MYLK: variants seen among roughly 807,000 people sequenced by gnomAD.
The protein encoded by MYLK is myosin light chain kinase, smooth muscle.
A neutral mutation model predicts 203.4 loss-of-function variants in MYLK; 106 were observed. The observed-to-expected ratio is 0.52, with a 90% CI of 0.45 to 0.61. The LOEUF is 0.61. Ranked by LOEUF, MYLK falls within the 20% of genes least tolerant of loss-of-function variation. The pLI is 0.00. For synonymous variants in MYLK, 867 were observed against 959.5 expected (o/e 0.90, Z 1.78); for missense variants, 2,072 against 2,442.3 (o/e 0.85, Z 3.20).
chr3:123,739,020 G>T lies in MYLK; in HGVS notation c.465C>A (p.Ile155=), dbSNP rs199517273. 78 of 1,613,918 alleles carry T rather than the reference G, an allele frequency of 4.8e-5. No homozygotes were observed. Among genetic ancestry groups the T allele is most frequent in the Non-Finnish European group, 5.8e-5 (69 of 1,179,978 alleles). Residue 155 remains isoleucine, a synonymous_variant, in exon 7 of 34, where the codon ATC becomes ATA. Transcript: ENST00000360304. ...SAPAVETRPS[I]WGECPPKFAT... The stretch of plus-strand genomic sequence containing the variant: ...CAAACTTTGGTGGGCACTCCCCCCA[G>T]ATGCTAGGACGGGTCTCCACTGCTG...
chr3:123,753,690 C>G (rs367704055), intron 4 of MYLK, among the ~76,000 whole-genome samples: 1 of 152,134 alleles, frequency 6.6e-6, no homozygotes, highest in African/African-American at 2.4e-5. Flanking sequence ...ACTCAGTAGG[C>G]TCTTCAGAAT....
rs1274171468 is a variant in MYLK, at chr3:123,614,280, A to G, written c.5570T>C (p.Ile1857Thr). Residue 1857 changes from isoleucine to threonine, a missense_variant, in exon 34 of 34, where the codon ATA becomes ACA. Physicochemically the swap from Ile to Thr is moderately conservative, Grantham distance 89. Around this residue, in one of 3 missense-constraint regions of MYLK, gnomAD observed 524 missense variants for 782.4 expected, o/e 0.67. Coordinates refer to ENST00000360304, the MANE Select transcript of MYLK (RefSeq NM_053025.4). ...GCAGTTCCCGTCCTCATCGTAGTCT[A>G]TCTGGAAGTGGCGGGACTCCCTGAT... ...QSIRESRHFQ[I>T]DYDEDGNCSL... 1.2e-6 allele frequency: 2 copies of G among 1,614,180 alleles called. No individual in the cohort carries two copies. Among genetic ancestry groups the G allele is most frequent in the Admixed American group, 3.3e-5 (2 of 60,008 alleles).
intron 1 of MYLK, among the ~76,000 whole-genome samples, chr3:123,879,798 A>G (rs1342924704): frequency 2.0e-5 from 3 of 151,826 alleles, no homozygotes; most frequent in Admixed American, 6.6e-5. Flanking sequence ...GGGACTACAG[A>G]CGCCCGCCAC....
At chr3:123,744,552 T>C (rs1002485293) in intron 5 of MYLK, among the ~76,000 whole-genome samples, 2 of 152,216 alleles carry the variant, frequency 1.3e-5, no homozygotes. Flanking sequence ...AATGTATTAA[T>C]GTGGTGTTAA....
intron 2 of MYLK, among the ~76,000 whole-genome samples, chr3:123,868,826 T>C (rs571732832): frequency 1.3e-5 from 2 of 152,228 alleles, no homozygotes; most frequent in African/African-American, 2.4e-5. Context: ...ATATTTTATG[T>C]GGCAGGCCTA....
chr3:123,790,554 T>C (rs1576985963), intron 4 of MYLK, among the ~76,000 whole-genome samples: 1 of 152,128 alleles, frequency 6.6e-6, no homozygotes, highest in African/African-American at 2.4e-5. Context: ...CATCTTAATG[T>C]CACCCAAGTC....
chr3:123,743,389 G>A (rs2062918144), intron 5 of MYLK, among the ~76,000 whole-genome samples: 1 of 152,108 alleles, frequency 6.6e-6, no homozygotes, highest in Non-Finnish European at 1.5e-5. Flanking sequence ...TTTAATATGA[G>A]TTAACAGAGA....
chr3:123,754,034 G>A (rs2063288703), intron 4 of MYLK, among the ~76,000 whole-genome samples: 1 of 152,188 alleles, frequency 6.6e-6, no homozygotes, highest in Non-Finnish European at 1.5e-5. Flanking sequence ...TGTGCACACA[G>A]GCCTGGGCAT....
At chr3:123,852,098 C>T (rs1394860339) in intron 2 of MYLK, among the ~76,000 whole-genome samples, 1 of 152,188 alleles carries the variant, frequency 6.6e-6, no homozygotes, top group Non-Finnish European at 1.5e-5. Context: ...ATGAAGCCCA[C>T]TTGATCATGG....
intron 4 of MYLK, among the ~76,000 whole-genome samples, chr3:123,767,656 C>T (rs1170685536): frequency 2.6e-5 from 4 of 152,162 alleles, no homozygotes; most frequent in African/African-American, 9.7e-5. Context: ...CCAGAGCTGC[C>T]CTAAGGCCTT....
intron 13 of MYLK, among the ~76,000 whole-genome samples, chr3:123,720,221 G>A (rs1292970482): frequency 1.3e-5 from 2 of 152,164 alleles, no homozygotes; most frequent in Non-Finnish European, 2.9e-5. Flanking sequence ...TTGGATGGGT[G>A]GTGATCCTTC....
At position 123,700,444 on chromosome 3, in the gene MYLK, C is replaced by T. The variant is rs886057860; in HGVS notation, c.3024G>A (p.Val1008=). 1 of 1,609,848 alleles carries T rather than the reference C, an allele frequency of 6.2e-7. No homozygotes were observed. The highest frequency in any genetic ancestry group is 1.7e-4 in the Middle Eastern group (1 of 6,040). ...SSAETLNAKA[V]ESSKPLSNAQ... Reference sequence around the variant, plus strand: ...CATTGCTCAGGGGCTTGGAACTCTCCACTGCCTTGGCATTCAGGGTCTCGG... The same window carrying T: ...CATTGCTCAGGGGCTTGGAACTCTCTACTGCCTTGGCATTCAGGGTCTCGG... Residue 1008 remains valine (V), a synonymous_variant, in exon 18 of 34, where the codon GTG becomes GTA. Coordinates refer to ENST00000360304, the MANE Select transcript of MYLK (RefSeq NM_053025.4).
chr3:123,832,730 T>C (rs41482050), intron 2 of MYLK, among the ~76,000 whole-genome samples: 2 of 152,138 alleles, frequency 1.3e-5, no homozygotes, highest in African/African-American at 2.4e-5. Context: ...TGGCACCATC[T>C]TGGAAGCAGA....
intron 29 of MYLK, among the ~76,000 whole-genome samples, chr3:123,632,663 C>T (rs2058484123): frequency 1.3e-5 from 2 of 152,160 alleles, no homozygotes; most frequent in African/African-American, 4.8e-5. Context: ...AAATATAATA[C>T]ATACACAGCA....
chr3:123,803,687 T>G (rs1026550211), intron 3 of MYLK, among the ~76,000 whole-genome samples: 1 of 152,176 alleles, frequency 6.6e-6, no homozygotes, highest in African/African-American at 2.4e-5. Flanking sequence ...AAAGCTTATA[T>G]CCAACCAAAA....
intron 3 of MYLK, among the ~76,000 whole-genome samples, chr3:123,805,501 C>T (rs1427730520): frequency 6.6e-6 from 1 of 151,994 alleles, no homozygotes; most frequent in African/African-American, 2.4e-5. Context: ...GGTTTTTTTC[C>T]CATACAATTC....
intron 4 of MYLK, among the ~76,000 whole-genome samples, chr3:123,770,405 A>G (rs560074138): frequency 1.2e-4 from 19 of 152,346 alleles, no homozygotes; most frequent in African/African-American, 3.8e-4. Context: ...CATCAACTAG[A>G]CAAAATTAGT....
chr3:123,730,834 G>T (rs1398331845), intron 11 of MYLK, among the ~76,000 whole-genome samples: 1 of 152,148 alleles, frequency 6.6e-6, no homozygotes, highest in Non-Finnish European at 1.5e-5. Context: ...TCAGATGATG[G>T]TGATGGCCAC....
chr3:123,621,630 T>C (rs2057865581), intron 31 of MYLK: 1 of 152,240 alleles, frequency 6.6e-6, no homozygotes, highest in South Asian at 2.1e-4. Context: ...TGTGCGTGTG[T>C]GTATGGTTAA....
Sources: gnomAD v4.1 joint callset for allele counts (sites outside exome capture counted in the v4.1 genomes callset) on GRCh38, gnomAD v4.1.1 for gene constraint, gnomAD v4.1.1 regional missense constraint, MANE v1.5 for transcripts, NCBI Gene and HGNC (gene_info 2026-07-23, HGNC 2026-07-21) for gene names.